Variants in ATP2C1 observed in about 807,000 individuals in gnomAD.
ATP2C1 encodes calcium-transporting ATPase type 2C member 1.
Under a neutral mutation model 120.5 loss-of-function variants are expected in ATP2C1, and 31 were observed. The observed-to-expected ratio is 0.26, with a 90% CI of 0.19 to 0.35. ATP2C1 has a LOEUF of 0.35. Among genes scored for constraint, ATP2C1 ranks in the 10% least tolerant of loss-of-function variants. The probability of loss-of-function intolerance (pLI) is 1.00; values close to 1 mark genes in which losing one functional copy is unlikely to be tolerated. For synonymous variants in ATP2C1, 351 were observed against 358.7 expected (o/e 0.98, Z 0.24); for missense variants, 731 against 1,107.5 (o/e 0.66, Z 4.83).
At chr3:130,898,050 T>C (rs1456810427) in intron 2 of ATP2C1, among the ~76,000 whole-genome samples, 1 of 152,216 alleles carries the variant, frequency 6.6e-6, no homozygotes, top group Admixed American at 6.5e-5. Context: ...TGGAGAAGCT[T>C]GCACATAGGT....
chr3:130,962,380 A>C (rs909343079), intron 12 of ATP2C1, among the ~76,000 whole-genome samples: 11 of 152,014 alleles, frequency 7.2e-5, no homozygotes, highest in Admixed American at 6.6e-5. Context: ...CAAATGCAAG[A>C]AAGAAGAACT....
At chr3:130,941,223 A>ACT (rs2059890152) in intron 7 of ATP2C1, among the ~76,000 whole-genome samples, 1 of 144,338 alleles carries the variant, frequency 6.9e-6, no homozygotes, top group Non-Finnish European at 1.5e-5. Flanking sequence ...TGTATTTAAC[A>ACT]GTGTGTGTGT....
chr3:130,871,317 A>T (rs2068421570), intron 1 of ATP2C1, among the ~76,000 whole-genome samples: 1 of 152,248 alleles, frequency 6.6e-6, no homozygotes, highest in Non-Finnish European at 1.5e-5. Flanking sequence ...GGCATGATCA[A>T]AATATTTTTA....
chr3:131,006,736 C>T (rs892894055), downstream of ATP2C1, among the ~76,000 whole-genome samples: 4 of 150,190 alleles, frequency 2.7e-5, no homozygotes, highest in African/African-American at 9.9e-5. Context: ...GATCATGGCT[C>T]ACTGCAGCCT....
In ATP2C1 at chr3:130,868,108, CCGGA is replaced by C. The variant is rs1330875672; in HGVS notation, c.108+17181_108+17184del. 3 of 146,072 alleles carry C rather than the reference CCGGA, an allele frequency of 2.1e-5. No homozygotes were observed. The East Asian group carries it at 6.6e-4, about 32-fold the overall frequency. 9.0% of individuals were successfully genotyped at this position (146,072 alleles called of 1,614,324 possible). ...GTCTCCGCCCGGCAGCCACCCCGTC[CCGGA>C]GGGAGGTGGGGGGGCTCAGCCCCCC... On this transcript the variant is annotated intron_variant, in intron 1 of 26. Transcript: ENST00000504381.
At chr3:130,965,077 A>G in intron 14 of ATP2C1, 32 bp downstream of exon 14, 3 of 1,480,974 alleles carry the variant, frequency 2.0e-6, no homozygotes, top group Non-Finnish European at 2.8e-6. Context: ...ACAAACAAAA[A>G]CAGTATCCCT....
chr3:130,980,471 T>C, intron 19 of ATP2C1, 111 bp from the exon 20 acceptor site: 1 of 742,022 alleles, frequency 1.3e-6, no homozygotes, highest in Non-Finnish European at 2.4e-6. Context: ...GTATTACTGG[T>C]AGGTAACAAA....
chr3:130,992,293 G>A (rs886726057), intron 20 of ATP2C1, among the ~76,000 whole-genome samples: 17 of 151,936 alleles, frequency 1.1e-4, no homozygotes, highest in African/African-American at 3.9e-4. Context: ...TTATAGGGAT[G>A]GTAGTGTTTT....
chr3:130,893,827 GA>G (rs978146086), upstream of ATP2C1: 5 of 652,084 alleles, frequency 7.7e-6, no homozygotes, highest in African/African-American at 9.8e-5. Flanking sequence ...GCGCCAGCAA[GA>G]ACAAGGCGGG....
In ATP2C1 at chr3:130,998,341, A is replaced by G. The variant is rs576648874; in HGVS notation, c.2439A>G (p.Thr813=). Reference sequence around the variant, plus strand: ...CTCGAGACACAACAATGACCTTCACATGCTTTGTGTTTTTTGACATGTTCA... The same window carrying G: ...CTCGAGACACAACAATGACCTTCACGTGCTTTGTGTTTTTTGACATGTTCA... ...ITPRDTTMTF[T]CFVFFDMFNA... The change falls in exon 26 of 28, where the codon ACA becomes ACG. Residue 813 remains threonine, a synonymous_variant. Transcript: ENST00000510168. 308 of 1,613,088 alleles carry G rather than the reference A, an allele frequency of 1.9e-4. No homozygotes were observed. The highest frequency in any genetic ancestry group is 2.5e-4 in the Non-Finnish European group (293 of 1,179,190).
intron 7 of ATP2C1, among the ~76,000 whole-genome samples, chr3:130,941,244 G>A (rs1179659733): frequency 1.3e-5 from 2 of 149,088 alleles, no homozygotes; most frequent in East Asian, 3.9e-4. Flanking sequence ...GTGTGTGTGT[G>A]TGTGTGTGTG....
chr3:130,940,358 A>T (rs2059840095), intron 6 of ATP2C1, among the ~76,000 whole-genome samples: 1 of 152,232 alleles, frequency 6.6e-6, no homozygotes, highest in Non-Finnish European at 1.5e-5. Context: ...CTCTTTGGAC[A>T]TACTAGTCAG....
At chr3:131,014,506 ATAT>A (rs2063495411) in intron 26 of ATP2C1, 3 of 936,904 alleles carry the variant, frequency 3.2e-6, no homozygotes, top group Non-Finnish European at 4.6e-6. Context: ...TTGCTCTATA[ATAT>A]TATCGAAATT....
intron 1 of ATP2C1, among the ~76,000 whole-genome samples, chr3:130,867,764 T>G (rs1308804872): frequency 3.8e-5 from 1 of 26,052 alleles, no homozygotes; most frequent in Admixed American, 2.6e-4. Flanking sequence ...GTCTGGGATA[T>G]GAGGAGCCCC....
chr3:130,897,492 G>A (rs2069734556), intron 2 of ATP2C1, among the ~76,000 whole-genome samples: 1 of 152,210 alleles, frequency 6.6e-6, no homozygotes, highest in Non-Finnish European at 1.5e-5. Flanking sequence ...GATGAATTGA[G>A]TGATGCTGCT....
At chr3:130,951,988 C>G (rs975188313) in intron 8 of ATP2C1, among the ~76,000 whole-genome samples, 1 of 152,110 alleles carries the variant, frequency 6.6e-6, no homozygotes, top group Non-Finnish European at 1.5e-5. Context: ...ACAAACACAC[C>G]AAGCATGTTC....
intron 2 of ATP2C1, among the ~76,000 whole-genome samples, chr3:130,915,535 C>T (rs764546701): frequency 1.0e-3 from 154 of 152,204 alleles, no homozygotes; most frequent in Middle Eastern, 3.4e-3. Context: ...AGCTATATGC[C>T]AGGCATAGTG....
chr3:130,855,378 G>T (rs1017320080), intron 1 of ATP2C1, among the ~76,000 whole-genome samples: 6 of 152,206 alleles, frequency 3.9e-5, no homozygotes, highest in African/African-American at 1.4e-4. Flanking sequence ...AGGGGACTTT[G>T]TAAGTATTAG....
intron 1 of ATP2C1, chr3:130,856,208 A>T (rs2067835858): frequency 6.6e-6 from 1 of 152,070 alleles, no homozygotes; most frequent in African/African-American, 2.4e-5. Flanking sequence ...GATCACTGGA[A>T]TTTTTTTTCT....
Sources: gnomAD v4.1 joint callset for allele counts (sites outside exome capture counted in the v4.1 genomes callset) on GRCh38, gnomAD v4.1.1 for gene constraint, MANE v1.5 for transcripts, NCBI Gene and HGNC (gene_info 2026-07-23, HGNC 2026-07-21) for gene names.